KCNN3: variants seen among roughly 807,000 people sequenced by gnomAD.
KCNN3 encodes small conductance calcium-activated potassium channel protein 3.
A neutral mutation model predicts 62.9 loss-of-function variants in KCNN3; 16 were observed. The observed-to-expected ratio is 0.25, with a 90% CI of 0.17 to 0.39. The LOEUF (loss-of-function observed/expected upper bound fraction) is 0.39. KCNN3 is among the 10% of genes least tolerant of loss of function. KCNN3 has a pLI of 1.00. For synonymous variants in KCNN3, 370 were observed against 389.2 expected (o/e 0.95, Z 0.58); for missense variants, 599 against 949.4 (o/e 0.63, Z 4.85).
chr1:154,813,868 C>T (rs745692939), intron 2 of KCNN3, among the ~76,000 whole-genome samples: 1 of 152,336 alleles, frequency 6.6e-6, no homozygotes, highest in Admixed American at 6.5e-5. Flanking sequence ...AGCCGGGGGC[C>T]CTCACACCTG....
chr1:154,826,077 AAAC>A (rs533636182), intron 1 of KCNN3, among the ~76,000 whole-genome samples: 47,707 of 129,460 alleles, frequency 0.37, 10,436 homozygotes, highest in Middle Eastern at 0.52. Context: ...ACAAAAACAA[AAAC>A]AAAAACAAAA....
intron 5 of KCNN3, among the ~76,000 whole-genome samples, chr1:154,717,550 AT>A (rs199765246): frequency 0.23 from 33,725 of 147,570 alleles, 3,737 homozygotes; most frequent in Middle Eastern, 0.34. Context: ...AGAGCACTGG[AT>A]TTTTTTTTTT....
At chr1:154,830,838 T>C (rs114913425) in intron 1 of KCNN3, among the ~76,000 whole-genome samples, 2,100 of 152,162 alleles carry the variant, frequency 0.014, 50 homozygotes, top group African/African-American at 0.048. Flanking sequence ...TTGTGTGATG[T>C]CCCAAGGAAG....
chr1:154,843,333 C>G (rs1473661368), intron 1 of KCNN3, among the ~76,000 whole-genome samples: 1 of 152,172 alleles, frequency 6.6e-6, no homozygotes, highest in East Asian at 1.9e-4. Flanking sequence ...AGCTGCCTGG[C>G]TCTCCACAGC....
intron 2 of KCNN3, among the ~76,000 whole-genome samples, chr1:154,779,020 T>C (rs1648912662): frequency 6.6e-6 from 1 of 152,034 alleles, no homozygotes; most frequent in Admixed American, 6.6e-5. Context: ...GCCATGAGGC[T>C]CACTATAGAC....
In KCNN3 at chr1:154,707,688, G is replaced by A; in HGVS notation, c.*288C>T. Reference sequence around the variant, plus strand: ...CCCGCGTGAAGACCTGAGATTGAGCGTGGATTTCTGTTCTCCACCAACTCT... The same window carrying A: ...CCCGCGTGAAGACCTGAGATTGAGCATGGATTTCTGTTCTCCACCAACTCT... On this transcript the variant is annotated 3_prime_UTR_variant, in exon 8 of 8. Coordinates refer to ENST00000271915, the MANE Select transcript of KCNN3 (RefSeq NM_002249.6). The A allele has an allele frequency of 2.8e-6, 1 of 358,636 alleles. No homozygotes were observed. The allele number at this position is 358,636 out of a possible 1,614,324, so 22.2% of individuals were successfully genotyped here. A position where few individuals can be genotyped will look rare whatever the true frequency, so the allele number is the denominator to read the frequency against.
chr1:154,838,321 C>G (rs1455429888), intron 1 of KCNN3, among the ~76,000 whole-genome samples: 1 of 152,136 alleles, frequency 6.6e-6, no homozygotes, highest in Non-Finnish European at 1.5e-5. Flanking sequence ...TCCCGGGCTC[C>G]TTCTGCTATA....
chr1:154,870,077 G>A lies in KCNN3; in HGVS notation c.-113C>T, dbSNP rs114195904. ...TCCAATCTCCCCCACCAGTATCTTGGCTCCAGTCCTCTCTTTGGCTTGCTT... is the reference window on the plus strand; with the variant it reads ...TCCAATCTCCCCCACCAGTATCTTGACTCCAGTCCTCTCTTTGGCTTGCTT... On this transcript the variant is annotated 5_prime_UTR_variant, in exon 1 of 8. Coordinates refer to ENST00000271915, the MANE Select transcript of KCNN3 (RefSeq NM_002249.6). The A allele has an allele frequency of 8.5e-4, 1,068 of 1,257,068 alleles. 5 individuals carry two copies. The African/African-American group carries it at 0.014, about 17-fold the overall frequency. The allele number at this position is 1,257,068 out of a possible 1,614,324, so 77.9% of individuals were successfully genotyped here.
In KCNN3 at chr1:154,705,351, AT is replaced by A. The variant is rs1234975572; in HGVS notation, c.*2624del. On this transcript the variant is annotated 3_prime_UTR_variant, in exon 8 of 8. Coordinates refer to ENST00000271915, the MANE Select transcript of KCNN3 (RefSeq NM_002249.6). ...TGCTAGTACAGAGAAATAGCCTTCCATTTGCTATTACAGGATCAATGTGCAG... is the reference window on the plus strand; with the variant it reads ...TGCTAGTACAGAGAAATAGCCTTCCATTGCTATTACAGGATCAATGTGCAG... 6.6e-6 allele frequency: 1 copy of A among 152,190 alleles called. No individual in the cohort carries two copies. The highest frequency in any genetic ancestry group is 1.5e-5 in the Non-Finnish European group (1 of 68,038). The allele number at this position is 152,190 out of a possible 1,614,324, so 9.4% of individuals were successfully genotyped here. A position where few individuals can be genotyped will look rare whatever the true frequency, so the allele number is the denominator to read the frequency against.
intron 1 of KCNN3, among the ~76,000 whole-genome samples, chr1:154,823,347 C>T (rs1460391530): frequency 2.0e-5 from 3 of 152,142 alleles, no homozygotes; most frequent in Admixed American, 6.5e-5. Context: ...GAGTGGTGCA[C>T]GCCACAAAAG....
At chr1:154,759,362 G>A (rs964274392) in intron 3 of KCNN3, among the ~76,000 whole-genome samples, 1 of 152,198 alleles carries the variant, frequency 6.6e-6, no homozygotes, top group African/African-American at 2.4e-5. Flanking sequence ...ATGGGATCAC[G>A]AGGGGCAAAC....
intron 3 of KCNN3, among the ~76,000 whole-genome samples, chr1:154,749,186 A>G (rs1307740608): frequency 1.3e-5 from 2 of 152,246 alleles, no homozygotes; most frequent in Non-Finnish European, 2.9e-5. Context: ...TCAGCAGCAT[A>G]GGTTGCGCAC....
Position 154,784,369 on chromosome 1 carries a change from C to A in KCNN3, c.1030-11976G>T, listed in dbSNP as rs573733965. Among the ~76,000 whole-genome samples, 3 of 152,332 alleles carry A rather than the reference C, an allele frequency of 2.0e-5. 1 individual carries two copies. In the East Asian group the frequency reaches 5.8e-4, roughly 29 times the overall value. On this transcript the variant is annotated intron_variant, in intron 2 of 7. Coordinates refer to ENST00000271915, the MANE Select transcript of KCNN3 (RefSeq NM_002249.6). ...ACCTGGCACCAGCTGGCCCCTCTAT[C>A]CCCATCACCTGCCACACCCGGTGTC...
At chr1:154,839,983 G>A (rs927393280) in intron 1 of KCNN3, among the ~76,000 whole-genome samples, 1 of 152,204 alleles carries the variant, frequency 6.6e-6, no homozygotes, top group African/African-American at 2.4e-5. Context: ...GGCACAGGGA[G>A]TCAGGGATTT....
At chr1:154,786,237 A>G (rs945509777) in intron 2 of KCNN3, among the ~76,000 whole-genome samples, 1 of 152,246 alleles carries the variant, frequency 6.6e-6, no homozygotes, top group African/African-American at 2.4e-5. Context: ...AAACTATATC[A>G]ATGTGACTGT....
At position 154,770,168 on chromosome 1, in the gene KCNN3, G is replaced by A. The variant is rs1305550185; in HGVS notation, c.1448+1807C>T. The stretch of plus-strand genomic sequence containing the variant: ...CAGATGTTGCAATGTCAGCTGCTGA[G>A]TAATGGCGAGGTTCTGAATAGGTGA... On this transcript the variant is annotated intron_variant, in intron 3 of 7. Coordinates refer to ENST00000271915, the MANE Select transcript of KCNN3 (RefSeq NM_002249.6). Among the ~76,000 whole-genome samples, 16 of 152,352 alleles carry A rather than the reference G, an allele frequency of 1.1e-4. No individual in the cohort carries two copies. The South Asian group carries it at 1.4e-3, about 14-fold the overall frequency.
chr1:154,711,899 G>A (rs1174810297), intron 7 of KCNN3, among the ~76,000 whole-genome samples: 1 of 151,894 alleles, frequency 6.6e-6, no homozygotes, highest in Non-Finnish European at 1.5e-5. Context: ...AGAAAGAGAG[G>A]AAGAGAGAGG....
rs1301538037 is a variant in KCNN3, at chr1:154,793,818, C to T, written c.1030-21425G>A. On this transcript the variant is annotated intron_variant, in intron 2 of 7. Transcript: ENST00000271915. ...TACTAAAGACCTGCAGTTGGAAACCCGACCTGCCCCAGATCTCCAAAGTCA... is the reference window on the plus strand; with the variant it reads ...TACTAAAGACCTGCAGTTGGAAACCTGACCTGCCCCAGATCTCCAAAGTCA... 3.3e-5 allele frequency among the ~76,000 whole-genome samples: 5 copies of T among 152,206 alleles called. 1 individual carries two copies. The highest frequency in any genetic ancestry group is 6.8e-3 in the Middle Eastern group (2 of 294).
intron 3 of KCNN3, among the ~76,000 whole-genome samples, chr1:154,737,840 C>T (rs181606139): frequency 5.7e-4 from 87 of 152,238 alleles, no homozygotes; most frequent in Non-Finnish European, 7.9e-4. Context: ...GAGGATTGCT[C>T]GTGCCCAGGA....
Sources: allele counts gnomAD v4.1 joint callset (sites outside exome capture counted in the v4.1 genomes callset), GRCh38; gene constraint gnomAD v4.1.1; transcripts MANE v1.5; gene names NCBI Gene and HGNC (gene_info 2026-07-23, HGNC 2026-07-21).